SLC25A33: variants seen among roughly 807,000 people sequenced by gnomAD.
The protein encoded by SLC25A33 is solute carrier family 25 member 33.
Under a neutral mutation model 35.5 loss-of-function variants are expected in SLC25A33, and 15 were observed. The observed-to-expected ratio is 0.42, with a 90% CI of 0.28 to 0.65. SLC25A33 has a LOEUF of 0.65. Ranked by LOEUF, SLC25A33 falls within the 30% of genes least tolerant of loss-of-function variation. SLC25A33 has a pLI of 0.20. For synonymous variants in SLC25A33, 136 were observed against 148.7 expected, an observed-to-expected ratio of 0.91 and a Z score of 0.62; for missense variants, 257 against 398.5, an observed-to-expected ratio of 0.64 and a Z score of 3.02.
At chr1:9,544,685 A>G (rs529427933) in intron 1 of SLC25A33, among the ~76,000 whole-genome samples, 4 of 152,330 alleles carry the variant, frequency 2.6e-5, no homozygotes, top group Admixed American at 2.6e-4. Context: ...CCAAACCTCC[A>G]AAGATTAGGA....
chr1:9,568,964 G>A (rs1050638605), intron 3 of SLC25A33, among the ~76,000 whole-genome samples: 7 of 151,980 alleles, frequency 4.6e-5, no homozygotes, highest in East Asian at 1.9e-4. Flanking sequence ...AACATAAATC[G>A]GCTGGGCGCA....
intron 1 of SLC25A33, among the ~76,000 whole-genome samples, chr1:9,551,880 A>G (rs1643271391): frequency 6.6e-6 from 1 of 152,194 alleles, no homozygotes; most frequent in African/African-American, 2.4e-5. Flanking sequence ...GATGTTTTCC[A>G]GAGTGAGGCC....
At chr1:9,543,751 T>C (rs944852814) in intron 1 of SLC25A33, among the ~76,000 whole-genome samples, 7 of 152,192 alleles carry the variant, frequency 4.6e-5, no homozygotes, top group African/African-American at 1.7e-4. Flanking sequence ...ATGGCATGCT[T>C]TTTTGTTTTG....
intron 2 of SLC25A33, among the ~76,000 whole-genome samples, chr1:9,560,798 A>T (rs2100390240): frequency 6.6e-6 from 1 of 152,142 alleles, no homozygotes. Context: ...GCAAAAAGGC[A>T]ATATGTTAAC....
chr1:9,568,670 T>G (rs764925902), intron 3 of SLC25A33, among the ~76,000 whole-genome samples: 2 of 150,032 alleles, frequency 1.3e-5, no homozygotes, highest in Non-Finnish European at 3.0e-5. Context: ...GCTAACGCGG[T>G]GAAACCCCGT....
At chr1:9,554,508 C>T (rs11580267) in intron 2 of SLC25A33, among the ~76,000 whole-genome samples, 15,510 of 152,084 alleles carry the variant, frequency 0.1, 1,081 homozygotes, top group Non-Finnish European at 0.15. Context: ...TACAGACATG[C>T]GCCACCATGC....
intron 2 of SLC25A33, among the ~76,000 whole-genome samples, chr1:9,554,463 G>A (rs1569851378): frequency 6.6e-6 from 1 of 152,168 alleles, no homozygotes; most frequent in Non-Finnish European, 1.5e-5. Flanking sequence ...GGATTCAAGC[G>A]ATTCTCCTGC....
At chr1:9,571,617 AGAAGGGTTTTTTT>A (rs1643591710) in intron 4 of SLC25A33, among the ~76,000 whole-genome samples, 1 of 150,940 alleles carries the variant, frequency 6.6e-6, no homozygotes, top group South Asian at 2.1e-4. Context: ...TCATTTAAAC[AGAAGGGTTTTTTT>A]TTTTTAATTG....
chr1:9,541,036 G>A (rs974249368), intron 1 of SLC25A33, among the ~76,000 whole-genome samples: 5 of 151,586 alleles, frequency 3.3e-5, no homozygotes, highest in Admixed American at 2.6e-4. Flanking sequence ...CTGGAGTGCA[G>A]TGGTGCGATC....
At chr1:9,542,763 A>G (rs114576686) in intron 1 of SLC25A33, among the ~76,000 whole-genome samples, 1,758 of 152,326 alleles carry the variant, frequency 0.012, 32 homozygotes, top group African/African-American at 0.039. Flanking sequence ...AAACAAGTTT[A>G]ATACTGTTGC....
chr1:9,573,496 T>G (rs1643618559), intron 5 of SLC25A33, 84 bp downstream of exon 5: 1 of 1,137,496 alleles, frequency 8.8e-7, no homozygotes, highest in Admixed American at 2.1e-5. Flanking sequence ...TCTCTAAGGA[T>G]GAGATATAGA....
chr1:9,554,600 C>T (rs944936943), intron 2 of SLC25A33, among the ~76,000 whole-genome samples: 1 of 152,108 alleles, frequency 6.6e-6, no homozygotes, highest in African/African-American at 2.4e-5. Context: ...CTCAGGTGAT[C>T]CGCCTGCCTC....
chr1:9,576,896 C>G (rs1643667962), intron 5 of SLC25A33: 1 of 1,298,326 alleles, frequency 7.7e-7, no homozygotes, highest in South Asian at 1.2e-5. Context: ...TGCCTTGATT[C>G]AGCAAGCCAC....
At chr1:9,553,203 GTTTTTTTT>G (rs550067186) in intron 1 of SLC25A33, among the ~76,000 whole-genome samples, 1 of 56,486 alleles carries the variant, frequency 1.8e-5, no homozygotes, top group Non-Finnish European at 3.2e-5. Context: ...TTCTAGTTTT[GTTTTTTTT>G]TTTTTTTTTT....
In SLC25A33 at chr1:9,553,520, A is replaced by T. The variant is rs1643298367; in HGVS notation, c.57-106A>T. The T allele has an allele frequency of 2.2e-6, 3 of 1,335,368 alleles. No homozygotes were observed. In the Admixed American group the frequency reaches 6.0e-5, roughly 27 times the overall value. 82.7% of individuals were successfully genotyped at this position (1,335,368 alleles called of 1,614,324 possible). Reference sequence around the variant, plus strand: ...AGTGCTGGGATTACAGGCGTGAGCCACCGCGCCCGGCACGTTCTAGTTTTA... The same window carrying T: ...AGTGCTGGGATTACAGGCGTGAGCCTCCGCGCCCGGCACGTTCTAGTTTTA... On this transcript the variant is annotated intron_variant, in intron 1 of 6. Transcript: ENST00000302692.
At chr1:9,566,302 A>G (rs1413722382) in intron 2 of SLC25A33, among the ~76,000 whole-genome samples, 1 of 152,154 alleles carries the variant, frequency 6.6e-6, no homozygotes. Context: ...GGACCTCCCA[A>G]AATGCTGGGA....
chr1:9,545,421 G>A (rs774491399), intron 1 of SLC25A33, among the ~76,000 whole-genome samples: 3 of 152,048 alleles, frequency 2.0e-5, no homozygotes, highest in East Asian at 3.9e-4. Context: ...ATTTTGAGAC[G>A]GAGTCTCACT....
At chr1:9,570,176 C>T (rs534570619) in intron 3 of SLC25A33, 82 bp from the exon 4 acceptor site, 11 of 1,291,276 alleles carry the variant, frequency 8.5e-6, no homozygotes, top group African/African-American at 7.5e-5. Context: ...TTTTATTTTC[C>T]GAAAATTTTT....
chr1:9,543,301 G>A (rs1173083880), intron 1 of SLC25A33, among the ~76,000 whole-genome samples: 5 of 151,894 alleles, frequency 3.3e-5, no homozygotes, highest in Non-Finnish European at 5.9e-5. Flanking sequence ...ACGCCACCAC[G>A]CCCGGCTAAT....
Sources: gnomAD v4.1 joint callset for allele counts (sites outside exome capture counted in the v4.1 genomes callset) on GRCh38, gnomAD v4.1.1 for gene constraint, MANE v1.5 for transcripts, NCBI Gene and HGNC (gene_info 2026-07-23, HGNC 2026-07-21) for gene names.